Variants in USP36 observed in about 807,000 individuals in gnomAD.
USP36 encodes ubiquitin carboxyl-terminal hydrolase 36.
In USP36, 59 loss-of-function variants were observed where a neutral mutation model predicts 111.5. The ratio of observed to expected loss-of-function variants is 0.53; its 90% CI spans 0.43 to 0.66. USP36 has a LOEUF of 0.66. Among genes scored for constraint, USP36 ranks in the 30% least tolerant of loss-of-function variants. The pLI, the probability that USP36 is intolerant of heterozygous loss-of-function variation, is 0.00. For synonymous variants in USP36, 628 were observed against 581.0 expected (o/e 1.08, Z -1.16); for missense variants, 1,488 against 1,468.0 (o/e 1.01, Z -0.22).
intron 15 of USP36, among the ~76,000 whole-genome samples, chr17:78,804,241 C>A (rs1843522766): frequency 6.6e-6 from 1 of 152,046 alleles, no homozygotes; most frequent in Admixed American, 6.5e-5. Context: ...GTGGCTGGAT[C>A]ACCTGAGGTC....
At chr17:78,820,141 G>C (rs1231151038) in intron 8 of USP36, 129 bp from the exon 9 acceptor site, 4 of 896,648 alleles carry the variant, frequency 4.5e-6, no homozygotes. Context: ...ATAAAAATTT[G>C]CCCACTAGCT....
intron 13 of USP36, among the ~76,000 whole-genome samples, chr17:78,808,784 C>T (rs2093979048): frequency 6.6e-6 from 1 of 152,092 alleles, no homozygotes; most frequent in Non-Finnish European, 1.5e-5. Flanking sequence ...GACCAAGAGG[C>T]TGTACCCGTT....
At position 78,798,772 on chromosome 17, in the gene USP36, G is replaced by A. The variant is rs1028423346; in HGVS notation, c.3240+136C>T. The stretch of plus-strand genomic sequence containing the variant: ...ATGCCCTGTCCATGGCCACACGCCC[G>A]GACAGGCCTGGGCAGCCTGGCTCTT... On this transcript the variant is annotated intron_variant, in intron 19 of 20. Coordinates refer to ENST00000449938, the MANE Select transcript of USP36 (RefSeq NM_001385174.1). This position sits in a 1 kb window ranked among gnomAD's most constrained non-coding sequence, Gnocchi z 5.1. The A allele has an allele frequency of 6.1e-5, 76 of 1,251,514 alleles. No individual in the cohort carries two copies. The highest frequency in any genetic ancestry group is 1.9e-4 in the Middle Eastern group (1 of 5,170). The allele number at this position is 1,251,514 out of a possible 1,614,324, so 77.5% of individuals were successfully genotyped here. A position where few individuals can be genotyped will look rare whatever the true frequency, so the allele number is the denominator to read the frequency against.
downstream of USP36, among the ~76,000 whole-genome samples, chr17:78,791,096 T>C (rs1237927570): frequency 6.6e-6 from 1 of 151,930 alleles, no homozygotes; most frequent in Non-Finnish European, 1.5e-5. Context: ...GCAGACCCCT[T>C]AGAACACAGG....
In USP36 at chr17:78,796,929, C is replaced by G. The variant is rs2093638052; in HGVS notation, c.*971G>C. Reference sequence around the variant, plus strand: ...TTATTAAGTTACAAGTTGGCAGGCACAGCTTGAGCAACATAGAAAAGTAAT... The same window carrying G: ...TTATTAAGTTACAAGTTGGCAGGCAGAGCTTGAGCAACATAGAAAAGTAAT... On this transcript the variant is annotated 3_prime_UTR_variant, in exon 21 of 21. Coordinates refer to ENST00000449938, the MANE Select transcript of USP36 (RefSeq NM_001385174.1). 6.6e-6 allele frequency: 1 copy of G among 152,204 alleles called. No individual in the cohort carries two copies. The highest frequency in any genetic ancestry group is 2.4e-5 in the African/African-American group (1 of 41,458). 9.4% of individuals were successfully genotyped at this position (152,204 alleles called of 1,614,324 possible).
chr17:78,798,494 T>C lies in USP36; in HGVS notation c.3298A>G (p.Lys1100Glu), dbSNP rs1192099658. ...CAGAAGTTCCGTCGAGTCTGAAGTT[T>C]CTGGAAGGCGTTGAAGTTTCTCCTC... is the stretch of plus-strand genomic sequence containing the variant. The part of the protein sequence containing the change: ...EKRRNFNAFQ[K>E]LQTRRNFWSV... The change falls in exon 20 of 21, where the codon AAA becomes GAA. Residue 1100 changes from lysine (K) to glutamate (E), a missense_variant. Around this residue, in one of 3 missense-constraint regions of USP36, gnomAD observed 1,073 missense variants for 994.1 expected, o/e 1.08. Transcript: ENST00000449938. This position sits in a 1 kb window ranked among gnomAD's most constrained non-coding sequence, Gnocchi z 5.1. 33 of 1,614,100 alleles carry C rather than the reference T, an allele frequency of 2.0e-5. No homozygotes were observed. Among genetic ancestry groups the C allele is most frequent in the Non-Finnish European group, 2.5e-5 (29 of 1,180,054 alleles).
intron 9 of USP36, 82 bp downstream of exon 9, chr17:78,819,848 T>C (rs1434548447): frequency 7.0e-7 from 1 of 1,419,418 alleles, no homozygotes; most frequent in Non-Finnish European, 9.9e-7. Context: ...TAAGGAAGAG[T>C]GGGTGGGCAC....
rs1190453102 is a variant in USP36, at chr17:78,806,164, A to G, written c.2208T>C (p.His736=). 8.7e-6 allele frequency: 14 copies of G among 1,613,464 alleles called. No homozygotes were observed. In the East Asian group the frequency reaches 1.6e-4, roughly 18 times the overall value. ...HPVVASTWPV[H]RARAVSPAPQ... ...CCCGGCCCAAAGCTTACCTGGCTCT[A>G]TGGACGGGCCAAGTGGAGGCAACGA... Residue 736 remains histidine (H), a synonymous_variant, in exon 15 of 21, where the codon CAT becomes CAC. Transcript: ENST00000449938.
intron 18 of USP36, among the ~76,000 whole-genome samples, chr17:78,799,343 CAAG>C (rs2093685014): frequency 1.3e-5 from 2 of 152,292 alleles, no homozygotes; most frequent in African/African-American, 4.8e-5. Context: ...ATGCTCTGAG[CAAG>C]AAGTGACATT....
downstream of USP36, among the ~76,000 whole-genome samples, chr17:78,791,153 A>G (rs1406656120): frequency 1.4e-5 from 1 of 72,156 alleles, no homozygotes; most frequent in Non-Finnish European, 2.6e-5. Flanking sequence ...TTTTTTTTTT[A>G]GCTGGAGTTT....
chr17:78,806,786 A>C (rs1478730724), intron 14 of USP36, among the ~76,000 whole-genome samples, 173 bp downstream of exon 14: 1 of 152,242 alleles, frequency 6.6e-6, no homozygotes, highest in African/African-American at 2.4e-5. Flanking sequence ...CTTCACCCCA[A>C]GATAGCCGTT....
At chr17:78,820,731 G>A (rs2094298740) in intron 8 of USP36, among the ~76,000 whole-genome samples, 1 of 152,146 alleles carries the variant, frequency 6.6e-6, no homozygotes, top group African/African-American at 2.4e-5. Flanking sequence ...CTCAAGCCCT[G>A]GGGACAGCGT....
chr17:78,800,789 G>C (rs2093721578), intron 17 of USP36, among the ~76,000 whole-genome samples: 1 of 152,152 alleles, frequency 6.6e-6, no homozygotes. Context: ...TTACTGTGTG[G>C]TTCTGGCTCT....
intron 6 of USP36, among the ~76,000 whole-genome samples, chr17:78,824,837 C>T (rs2067390598): frequency 2.6e-5 from 4 of 152,182 alleles, no homozygotes; most frequent in South Asian, 4.2e-4. Context: ...AGCAAGGGGC[C>T]GGCGGAAACC....
At chr17:78,811,863 G>A (rs1026365271) in intron 13 of USP36, among the ~76,000 whole-genome samples, 6 of 150,668 alleles carry the variant, frequency 4.0e-5, no homozygotes, top group East Asian at 1.9e-4. Context: ...ATGAGACTCC[G>A]TCTCAAAGAA....
chr17:78,807,714 G>C, intron 13 of USP36, 78 bp from the exon 14 acceptor site: 1 of 1,387,672 alleles, frequency 7.2e-7, no homozygotes, highest in Non-Finnish European at 9.6e-7. Flanking sequence ...AGGCCACAGT[G>C]AATCTTAGTA....
intron 14 of USP36, 136 bp from the exon 15 acceptor site, chr17:78,806,422 C>A: frequency 1.7e-6 from 2 of 1,160,564 alleles, no homozygotes; most frequent in Non-Finnish European, 2.4e-6. Flanking sequence ...CAGAAGAAGA[C>A]AAAAAGGGGA....
chr17:78,823,333 A>C (rs1293451806), intron 6 of USP36: 1 of 395,960 alleles, frequency 2.5e-6, no homozygotes, highest in Non-Finnish European at 4.4e-6. Flanking sequence ...CGGCTACCAA[A>C]ATCCAGACCA....
Position 78,836,258 on chromosome 17 carries a change from G to A in USP36, c.106C>T (p.Leu36Phe). Residue 36 changes from leucine to phenylalanine, a missense_variant, in exon 3 of 21, where the codon CTT (leucine) becomes TTT (phenylalanine). Transcript: ENST00000449938. ...KLLASSAKKV[L>F]LQKIEFEPAS... ...GGCTCGAACTCGATTTTCTGTAAAA[G>A]GACCTTCTTGGCAGAGGAGGCAAGA... The A allele has an allele frequency of 6.2e-7, 1 of 1,614,142 alleles. No homozygotes were observed. The highest frequency in any genetic ancestry group is 1.1e-5 in the South Asian group (1 of 91,080).
Sources: gnomAD v4.1 joint callset for allele counts (sites outside exome capture counted in the v4.1 genomes callset) on GRCh38, gnomAD v4.1.1 for gene constraint, gnomAD v4.1.1 regional missense constraint, Gnocchi (gnomAD v3.1) non-coding constraint, MANE v1.5 for transcripts, NCBI Gene and HGNC (gene_info 2026-07-23, HGNC 2026-07-21) for gene names.